ENTR1: variants seen among roughly 807,000 people sequenced by gnomAD.
The protein encoded by ENTR1 is endosome-associated-trafficking regulator 1.
A neutral mutation model predicts 47.9 loss-of-function variants in ENTR1; 47 were observed. The observed-to-expected ratio is 0.98, with a 90% CI of 0.78 to 1.25. The LOEUF is 1.25. ENTR1 is among the 50% of genes most tolerant of loss of function. ENTR1 has a pLI of 0.00. For missense variants in ENTR1, 668 were observed against 570.5 expected, an observed-to-expected ratio of 1.17 and a Z score of -1.74; for synonymous variants, 290 against 245.8, an observed-to-expected ratio of 1.18 and a Z score of -1.68.
At position 136,402,668 on chromosome 9, in the gene ENTR1, C is replaced by T. The variant is rs1192186752; in HGVS notation, c.*120G>A. On this transcript the variant is annotated 3_prime_UTR_variant, in exon 10 of 10. Transcript: ENST00000357365. ...CTGAGGGCACGACACTGGACTCTTG[C>T]GATCAACACTTTACTCTGGGTGAAG... 1.0e-5 allele frequency: 7 copies of T among 686,746 alleles called. No individual in the cohort carries two copies. The highest frequency in any genetic ancestry group is 2.3e-5 in the Admixed American group (1 of 42,624). The allele number at this position is 686,746 out of a possible 1,614,324, so 42.5% of individuals were successfully genotyped here. A position where few individuals can be genotyped will look rare whatever the true frequency, so the allele number is the denominator to read the frequency against.
Position 136,402,732 on chromosome 9 carries a change from G to C in ENTR1, c.*56C>G. The C allele has an allele frequency of 8.7e-7, 1 of 1,155,182 alleles. No individual in the cohort carries two copies. Among genetic ancestry groups the C allele is most frequent in the Admixed American group, 1.7e-5 (1 of 58,368 alleles). The allele number at this position is 1,155,182 out of a possible 1,614,324, so 71.6% of individuals were successfully genotyped here. A position where few individuals can be genotyped will look rare whatever the true frequency, so the allele number is the denominator to read the frequency against. On this transcript the variant is annotated 3_prime_UTR_variant, in exon 10 of 10. Coordinates refer to ENST00000357365, the MANE Select transcript of ENTR1 (RefSeq NM_001039707.2). The stretch of plus-strand genomic sequence containing the variant: ...GGACACAACTGCACATTTAGATCGA[G>C]CGGTGGTGACCTCAGGGTATACACG...
In ENTR1 at chr9:136,410,102, C is replaced by A. The variant is rs752987111; in HGVS notation, c.208G>T (p.Val70Leu). Reference sequence around the variant, plus strand: ...CCTCGTCTCTCACCTGTGTCTCCCACGGAAGCCAGCACCGGGCTGGGCACA... The same window carrying A: ...CCTCGTCTCTCACCTGTGTCTCCCAAGGAAGCCAGCACCGGGCTGGGCACA... ...CYVPSPVLAS[V>L]GDTDFGYGKG... is the part of the protein sequence containing the mutation. Residue 70 changes from valine (V) to leucine (L), a missense_variant, in exon 2 of 10, where the codon GTG becomes TTG. Val to Leu is a conservative substitution (Grantham distance 32). Transcript: ENST00000357365. The A allele has an allele frequency of 6.2e-7, 1 of 1,612,816 alleles. No homozygotes were observed. The highest frequency in any genetic ancestry group is 1.7e-5 in the Admixed American group (1 of 60,016).
chr9:136,403,048 CA>C (rs1219586431), intron 9 of ENTR1, among the ~76,000 whole-genome samples, 161 bp from the exon 10 acceptor site: 1 of 55,798 alleles, frequency 1.8e-5, no homozygotes. Context: ...CGAGGGTTTC[CA>C]GGGGGAAGAA....
rs980106753 is a variant in ENTR1, at chr9:136,406,766, G to C, written c.819+379C>G. Among the ~76,000 whole-genome samples the C allele has an allele frequency of 2.6e-5, 4 of 152,218 alleles. No homozygotes were observed. In the East Asian group the frequency reaches 7.8e-4, roughly 30 times the overall value. ...TGCTGAGATTACAGGCGTGAGCCAC[G>C]GCGCCCAGCTAAAAAATTTTTTTTT... On this transcript the variant is annotated intron_variant, in intron 5 of 9. Coordinates refer to ENST00000357365, the MANE Select transcript of ENTR1 (RefSeq NM_001039707.2).
intron 1 of ENTR1, 41 bp downstream of exon 1, chr9:136,410,287 C>T (rs1383849471): frequency 6.4e-7 from 1 of 1,551,420 alleles, no homozygotes; most frequent in East Asian, 2.4e-5. Flanking sequence ...GGGCGGCCGC[C>T]GCCCACCTGG....
At chr9:136,408,015 TCCAGAGCATGG>T in intron 3 of ENTR1, 77 bp from the exon 4 acceptor site, 1 of 931,598 alleles carries the variant, frequency 1.1e-6, no homozygotes, top group Non-Finnish European at 1.7e-6. Flanking sequence ...CACCTGTCTT[TCCAGAGCATGG>T]CCACATGTGA....
intron 6 of ENTR1, 100 bp downstream of exon 6, chr9:136,405,805 C>T: frequency 1.4e-6 from 1 of 691,270 alleles, no homozygotes; most frequent in South Asian, 1.9e-5. Flanking sequence ...CAATAAAACC[C>T]AGATCTGGTT....
chr9:136,402,956 G>T (rs569154005), intron 9 of ENTR1, 69 bp from the exon 10 acceptor site: 25 of 453,266 alleles, frequency 5.5e-5, no homozygotes, highest in East Asian at 4.0e-4. Context: ...TCTGGGGGGA[G>T]AAAGGGGAGG....
At chr9:136,408,871 C>T in intron 3 of ENTR1, 128 bp downstream of exon 3, 1 of 617,274 alleles carries the variant, frequency 1.6e-6, no homozygotes, top group Non-Finnish European at 3.0e-6. Flanking sequence ...CCCTTGAAAT[C>T]CCACCCCCAC....
rs4298601 is a variant in ENTR1, at chr9:136,408,838, G to C, written c.289+161C>G. Among the ~76,000 whole-genome samples, 48,247 of 152,004 alleles carry C rather than the reference G, an allele frequency of 0.32. 7,990 individuals are homozygous for C. Among genetic ancestry groups the C allele is most frequent in the African/African-American group, 0.39 (16,074 of 41,454 alleles). The stretch of plus-strand genomic sequence containing the variant: ...CCCCGCTCCCTGATGTCACCTCGCT[G>C]CTACTCTAGGATCAAGACTGAACCC... On this transcript the variant is annotated intron_variant, in intron 3 of 9. Coordinates refer to ENST00000357365, the MANE Select transcript of ENTR1 (RefSeq NM_001039707.2).
At chr9:136,402,962 G>GACAGGGTCCCA in intron 9 of ENTR1, 75 bp from the exon 10 acceptor site, 1 of 1,122,042 alleles carries the variant, frequency 8.9e-7, no homozygotes, top group Non-Finnish European at 1.3e-6. Flanking sequence ...GGGAGAAAGG[G>GACAGGGTCCCA]GAGGGGTTGG....
chr9:136,404,903 C>A, intron 7 of ENTR1, 188 bp downstream of exon 7: 1 of 667,440 alleles, frequency 1.5e-6, no homozygotes. Flanking sequence ...CCCCACTCCC[C>A]ACGGATGCCC....
At chr9:136,408,803 G>C (rs938246308) in intron 3 of ENTR1, among the ~76,000 whole-genome samples, 196 bp downstream of exon 3, 3 of 152,148 alleles carry the variant, frequency 2.0e-5, no homozygotes, top group African/African-American at 7.2e-5. Flanking sequence ...CAGCCCCCCA[G>C]GTGGGGCTTC....
chr9:136,404,101 G>C lies in ENTR1; in HGVS notation c.1162C>G (p.Leu388Val). Residue 388 changes from leucine to valine, a missense_variant, in exon 9 of 10, where the codon CTG becomes GTG. Coordinates refer to ENST00000357365, the MANE Select transcript of ENTR1 (RefSeq NM_001039707.2). ...TTCATGACCACCCGGAGGTTCTGCA[G>C]GGCCACGTCGGCGTTCTGCTTCACC... The part of the protein sequence containing the change: ...TVVKQNADVA[L>V]QNLRVVMNSA... The C allele has an allele frequency of 6.2e-7, 1 of 1,613,368 alleles. No individual in the cohort carries two copies. Among genetic ancestry groups the C allele is most frequent in the Non-Finnish European group, 8.5e-7 (1 of 1,179,842 alleles).
At chr9:136,403,909 G>A (rs1834630677) in intron 9 of ENTR1, 146 bp downstream of exon 9, 2 of 928,740 alleles carry the variant, frequency 2.2e-6, no homozygotes, top group Non-Finnish European at 3.2e-6. Context: ...GAGCTAACAG[G>A]ACCACTGAGC....
In ENTR1 at chr9:136,410,104, G is replaced by A; in HGVS notation, c.206C>T (p.Ser69Phe). 6.2e-7 allele frequency: 1 copy of A among 1,612,808 alleles called. No individual in the cohort carries two copies. Among genetic ancestry groups the A allele is most frequent in the East Asian group, 2.2e-5 (1 of 44,838 alleles). ...TCGTCTCTCACCTGTGTCTCCCACG[G>A]AAGCCAGCACCGGGCTGGGCACATA... ...MCYVPSPVLA[S>F]VGDTDFGYGK... The change falls in exon 2 of 10, where the codon TCC becomes TTC. Residue 69 changes from serine to phenylalanine, a missense_variant. Transcript: ENST00000357365.
In ENTR1 at chr9:136,403,076, A is replaced by G. The variant is rs976817307; in HGVS notation, c.1209-189T>C. The stretch of plus-strand genomic sequence containing the variant: ...GGGGAAGAATGGGGAGGGTTTCCAC[A>G]GGGGGTGGGGGGCAGAAAGGGGAGG... On this transcript the variant is annotated intron_variant, in intron 9 of 9. Transcript: ENST00000357365. Among the ~76,000 whole-genome samples, 15 of 19,920 alleles carry G rather than the reference A, an allele frequency of 7.5e-4. No homozygotes were observed. The East Asian group carries it at 0.015, about 20-fold the overall frequency. The allele number at this position is 19,920 out of a possible 152,430, so 13.1% of individuals were successfully genotyped here.
chr9:136,405,891 A>AT lies in ENTR1; in HGVS notation c.893+13_893+14insA, dbSNP rs1834739475. The AT allele has an allele frequency of 1.3e-6, 2 of 1,546,788 alleles. No individual in the cohort carries two copies. The highest frequency in any genetic ancestry group is 2.8e-5 in the African/African-American group (2 of 72,414). ...GATGTTGTGGATTGCATTCCTAACT[A>AT]AAAGCTTACATACATTTCTGTTTGA... On this transcript the variant is annotated intron_variant, in intron 6 of 9. Coordinates refer to ENST00000357365, the MANE Select transcript of ENTR1 (RefSeq NM_001039707.2).
intron 2 of ENTR1, among the ~76,000 whole-genome samples, chr9:136,409,507 A>C (rs1434109300): frequency 1.3e-5 from 2 of 152,136 alleles, no homozygotes; most frequent in Admixed American, 1.3e-4. Flanking sequence ...AAAAAAACAC[A>C]AGCTCCCAGA....
Sources: allele counts gnomAD v4.1 joint callset (sites outside exome capture counted in the v4.1 genomes callset), GRCh38; gene constraint gnomAD v4.1.1; transcripts MANE v1.5; gene names NCBI Gene and HGNC (gene_info 2026-07-23, HGNC 2026-07-21).